The following ARL10 variants were observed in gnomAD, a reference collection of about 807,000 sequenced individuals.
The protein encoded by ARL10 is ARF like GTPase 10, also known as ADP-ribosylation factor-like protein 10.
Under a neutral mutation model 26.1 loss-of-function variants are expected in ARL10, and 23 were observed. The ratio of observed to expected loss-of-function variants is 0.88; its 90% CI spans 0.63 to 1.25. ARL10 has a LOEUF of 1.25. ARL10 is among the 50% of genes most tolerant of loss of function. The probability of loss-of-function intolerance (pLI) is 0.00; values close to 1 mark genes in which losing one functional copy is unlikely to be tolerated. For missense variants in ARL10, 300 were observed against 323.6 expected (o/e 0.93, Z 0.56); for synonymous variants, 138 against 149.1 (o/e 0.93, Z 0.54).
In ARL10 at chr5:176,368,497, A is replaced by C. The variant is rs1768405215; in HGVS notation, c.386-310A>C. 6.6e-6 allele frequency among the ~76,000 whole-genome samples: 1 copy of C among 152,100 alleles called. No homozygotes were observed. The highest frequency in any genetic ancestry group is 2.4e-5 in the African/African-American group (1 of 41,412). On this transcript the variant is annotated intron_variant, in intron 2 of 3. Coordinates refer to ENST00000310389, the MANE Select transcript of ARL10 (RefSeq NM_173664.6). This position sits in a 1 kb window ranked among gnomAD's most constrained non-coding sequence, Gnocchi z 4.1. ...TGGTACCTGTGGGTTTTACTGCAAC[A>C]ACCCGTTAGGAAAGTTCAGTGAGGA... is the stretch of plus-strand genomic sequence containing the variant.
At position 176,372,725 on chromosome 5, in the gene ARL10, G is replaced by A. The variant is rs185532478; in HGVS notation, c.*830G>A. 5.3e-4 allele frequency: 211 copies of A among 395,674 alleles called. No individual in the cohort carries two copies. The East Asian group carries it at 7.3e-3, about 14-fold the overall frequency. 24.5% of individuals were successfully genotyped at this position (395,674 alleles called of 1,614,324 possible). On this transcript the variant is annotated 3_prime_UTR_variant, in exon 4 of 4. Coordinates refer to ENST00000310389, the MANE Select transcript of ARL10 (RefSeq NM_173664.6). Reference sequence around the variant, plus strand: ...CAGTGCCCATGTTTACAGAAGTCAGGGGAAGGAAGGAGCCTGTGTCCCTGG... The same window carrying A: ...CAGTGCCCATGTTTACAGAAGTCAGAGGAAGGAAGGAGCCTGTGTCCCTGG...
chr5:176,402,136 C>G (rs534019226), downstream of ARL10, among the ~76,000 whole-genome samples: 3 of 152,232 alleles, frequency 2.0e-5, no homozygotes, highest in African/African-American at 4.8e-5. Flanking sequence ...AACCCCATCT[C>G]TACTAAAATA....
downstream of ARL10, chr5:176,384,715 A>C (rs1263852821): frequency 7.9e-6 from 3 of 381,790 alleles, no homozygotes; most frequent in African/African-American, 6.2e-5. Flanking sequence ...GGCTGCGGTG[A>C]GCCATGATCA....
chr5:176,405,511 A>G (rs1561797213), downstream of ARL10: 2 of 151,846 alleles, frequency 1.3e-5, no homozygotes, highest in Admixed American at 1.3e-4. Context: ...AAAAAAAAGA[A>G]AAAGAAAAAG....
In ARL10 at chr5:176,371,926, T is replaced by C. The variant is rs760561229; in HGVS notation, c.*31T>C. ...AGCTCTCCTGCTTGCCACCTGCCTG[T>C]CAAGACCATAGTTGTACTGCTGCTG... On this transcript the variant is annotated 3_prime_UTR_variant, in exon 4 of 4. Coordinates refer to ENST00000310389, the MANE Select transcript of ARL10 (RefSeq NM_173664.6). 14 of 1,608,308 alleles carry C rather than the reference T, an allele frequency of 8.7e-6. No individual in the cohort carries two copies. Among genetic ancestry groups the C allele is most frequent in the Non-Finnish European group, 1.2e-5 (14 of 1,176,924 alleles).
intron 1 of ARL10, among the ~76,000 whole-genome samples, chr5:176,394,908 AGCATC>A (rs1167818601): frequency 6.6e-6 from 1 of 152,078 alleles, no homozygotes; most frequent in Non-Finnish European, 1.5e-5. Context: ...GCTCAACAGA[AGCATC>A]GAGCCCCCTG....
chr5:176,414,916 T>C, the ARL10 span, among the ~76,000 whole-genome samples: 131 of 152,340 alleles, frequency 8.6e-4, no homozygotes, highest in Admixed American at 7.3e-3. Context: ...CAGTAAACGT[T>C]GAATGGATAC....
At chr5:176,397,306 C>T (rs1163695643) in intron 1 of ARL10, among the ~76,000 whole-genome samples, 1 of 150,058 alleles carries the variant, frequency 6.7e-6, no homozygotes, top group African/African-American at 2.5e-5. Context: ...GTCCCCACAG[C>T]CCCTCTCATG....
Position 176,368,004 on chromosome 5 carries a change from C to G in ARL10, c.386-803C>G. ...TCAGTAAATATTTGTTGAGTGCCTG[C>G]TATGTGCCAGGCATTGTGCTGAGGG... On this transcript the variant is annotated intron_variant, in intron 2 of 3. Coordinates refer to ENST00000310389, the MANE Select transcript of ARL10 (RefSeq NM_173664.6). The surrounding 1 kb of genome is among the most constrained non-coding windows in gnomAD (Gnocchi z 4.1). The G allele has an allele frequency of 1.9e-6, 1 of 526,374 alleles. No homozygotes were observed. The highest frequency in any genetic ancestry group is 1.4e-5 in the South Asian group (1 of 71,492). The allele number at this position is 526,374 out of a possible 1,614,324, so 32.6% of individuals were successfully genotyped here. A position where few individuals can be genotyped will look rare whatever the true frequency, so the allele number is the denominator to read the frequency against.
At chr5:176,412,036 C>T in the ARL10 span, among the ~76,000 whole-genome samples, 56 of 152,068 alleles carry the variant, frequency 3.7e-4, 1 homozygote, top group South Asian at 8.3e-4. Flanking sequence ...ATTAGCCAGG[C>T]GTGGTGGCAG....
rs1205286407 is a variant in ARL10, at chr5:176,374,885, T to A, written c.*2990T>A. ...CCTTTTCCCTGAGAAATATCCTTGA[T>A]GTGTTTGGTGGCAGTATCTACAGAA... is the stretch of plus-strand genomic sequence containing the variant. On this transcript the variant is annotated 3_prime_UTR_variant, in exon 4 of 4. Coordinates refer to ENST00000310389, the MANE Select transcript of ARL10 (RefSeq NM_173664.6). 6.6e-6 allele frequency: 1 copy of A among 152,224 alleles called. No individual in the cohort carries two copies. The highest frequency in any genetic ancestry group is 1.5e-5 in the Non-Finnish European group (1 of 68,032). The allele number at this position is 152,224 out of a possible 1,614,324, so 9.4% of individuals were successfully genotyped here. A position where few individuals can be genotyped will look rare whatever the true frequency, so the allele number is the denominator to read the frequency against.
At chr5:176,389,698 A>G (rs1756182113), downstream of ARL10, 5 of 512,782 alleles carry the variant, frequency 9.8e-6, no homozygotes, top group South Asian at 9.5e-5. Context: ...ACATACTTCT[A>G]TTTGTGCCAC....
At chr5:176,411,577 G>A in the ARL10 span, among the ~76,000 whole-genome samples, 37 of 152,226 alleles carry the variant, frequency 2.4e-4, no homozygotes, top group Admixed American at 6.5e-4. Flanking sequence ...AGCCTGCTGT[G>A]TTTATTTGTG....
chr5:176,389,028 G>C, downstream of ARL10: 1 of 1,598,774 alleles, frequency 6.3e-7, no homozygotes, highest in Non-Finnish European at 8.5e-7. Context: ...TCGGAGGGAA[G>C]GAAGTAGAGA....
At position 176,375,287 on chromosome 5, in the gene ARL10, C is replaced by CCCACCCATCCAT. The variant is rs1554124241; in HGVS notation, c.*3395_*3396insCCCATCCATCCA. 1.1e-4 allele frequency: 5 copies of CCCACCCATCCAT among 45,928 alleles called. No homozygotes were observed. Among genetic ancestry groups the CCCACCCATCCAT allele is most frequent in the East Asian group, 1.1e-3 (2 of 1,744 alleles). The allele number at this position is 45,928 out of a possible 1,614,324, so 2.8% of individuals were successfully genotyped here. ...ACCCATCCACCCATCCATCCATCCA[C>CCCACCCATCCAT]CCATCCATCCATCCATCCATCCATC... On this transcript the variant is annotated 3_prime_UTR_variant, in exon 4 of 4. Coordinates refer to ENST00000310389, the MANE Select transcript of ARL10 (RefSeq NM_173664.6).
downstream of ARL10, chr5:176,392,876 G>A (rs1217857826): frequency 6.2e-7 from 1 of 1,614,166 alleles, no homozygotes. This position sits in a 1 kb window ranked among gnomAD's most constrained non-coding sequence, Gnocchi z 5.2. Flanking sequence ...CACATAGCTG[G>A]GCCACCTTCT....
rs954377253 is a variant in ARL10 at position 176,373,295 on chromosome 5, C to T, written c.*1400C>T. 2.7e-6 allele frequency: 1 copy of T among 364,844 alleles called. No individual in the cohort carries two copies. Among genetic ancestry groups the T allele is most frequent in the South Asian group, 1.5e-4 (1 of 6,712 alleles). The allele number at this position is 364,844 out of a possible 1,614,324, so 22.6% of individuals were successfully genotyped here. Reference sequence around the variant, plus strand: ...TCTGGAGTTCTCATCAGTGCACATTCCATAGTTCTCCAGTGCTTGGCGATC... The same window carrying T: ...TCTGGAGTTCTCATCAGTGCACATTTCATAGTTCTCCAGTGCTTGGCGATC... On this transcript the variant is annotated 3_prime_UTR_variant, in exon 4 of 4. Coordinates refer to ENST00000310389, the MANE Select transcript of ARL10 (RefSeq NM_173664.6).
rs73328125 is a variant in ARL10, at chr5:176,370,140, G to A, written c.561+1158G>A. 5.0e-3 allele frequency among the ~76,000 whole-genome samples: 759 copies of A among 152,274 alleles called. 5 individuals carry two copies. The highest frequency in any genetic ancestry group is 0.017 in the African/African-American group (723 of 41,544). On this transcript the variant is annotated intron_variant, in intron 3 of 3. Coordinates refer to ENST00000310389, the MANE Select transcript of ARL10 (RefSeq NM_173664.6). ...TGTGTGCTTACGGTGTGCCATACAT[G>A]TGGTAAGCACCTGACAATCATGACC...
rs1383733701 is a variant in ARL10, at chr5:176,381,583, T to C, written c.*9688T>C. The C allele has an allele frequency of 6.6e-6, 1 of 152,230 alleles. No individual in the cohort carries two copies. Among genetic ancestry groups the C allele is most frequent in the East Asian group, 1.9e-4 (1 of 5,198 alleles). 9.4% of individuals were successfully genotyped at this position (152,230 alleles called of 1,614,324 possible). A position where few individuals can be genotyped will look rare whatever the true frequency, so the allele number is the denominator to read the frequency against. ...ACAGAGATAGCCTGACTGGCTGCAG[T>C]CTGGCGTCTGCCTTCTTTGGACATG... On this transcript the variant is annotated 3_prime_UTR_variant, in exon 4 of 4. Coordinates refer to ENST00000310389, the MANE Select transcript of ARL10 (RefSeq NM_173664.6).
Sources: allele counts gnomAD v4.1 joint callset (sites outside exome capture counted in the v4.1 genomes callset), GRCh38; gene constraint gnomAD v4.1.1; non-coding constraint Gnocchi (gnomAD v3.1); transcripts MANE v1.5; gene names NCBI Gene and HGNC (gene_info 2026-07-23, HGNC 2026-07-21).